TENM3: variants seen among roughly 807,000 people sequenced by gnomAD.
TENM3 encodes the protein teneurin-3.
TENM3 carries 63 observed loss-of-function variants against 255.1 expected under a neutral mutation model. The ratio of observed to expected loss-of-function variants is 0.25; its 90% CI spans 0.20 to 0.30. The LOEUF (loss-of-function observed/expected upper bound fraction) is 0.30. Ranked by LOEUF, TENM3 falls within the 10% of genes least tolerant of loss-of-function variation. The pLI is 1.00. For synonymous variants in TENM3, 1,306 were observed against 1,322.3 expected (o/e 0.99, Z 0.27); for missense variants, 2,929 against 3,461.1 (o/e 0.85, Z 3.86).
chr4:182,329,702 C>T (rs1160990529), intron 2 of TENM3, among the ~76,000 whole-genome samples: 1 of 151,966 alleles, frequency 6.6e-6, no homozygotes, highest in Non-Finnish European at 1.5e-5. Flanking sequence ...AAAGCAACAA[C>T]AACAAAACAA....
chr4:182,708,077 G>C (rs1276751882), intron 12 of TENM3: 1 of 151,792 alleles, frequency 6.6e-6, no homozygotes, highest in Non-Finnish European at 1.5e-5. Context: ...AGGCAGCCTA[G>C]GTTGCCAAGG....
chr4:182,017,154 C>A, the TENM3 span, among the ~76,000 whole-genome samples: 1 of 152,254 alleles, frequency 6.6e-6, no homozygotes, highest in African/African-American at 2.4e-5. Flanking sequence ...TGGTCCTGCT[C>A]CCTGAGGTCC....
the TENM3 span, among the ~76,000 whole-genome samples, chr4:181,551,422 C>T: frequency 6.6e-6 from 1 of 152,164 alleles, no homozygotes; most frequent in South Asian, 2.1e-4. Flanking sequence ...ACGTGGGCTG[C>T]TACTTAGGTC....
intron 1 of TENM3, among the ~76,000 whole-genome samples, chr4:182,195,650 T>TA (rs796530632): frequency 3.3e-5 from 5 of 152,042 alleles, no homozygotes; most frequent in African/African-American, 7.2e-5. Flanking sequence ...TTAAAAAATA[T>TA]AAAAAAACCT....
chr4:182,246,407 G>A (rs7661740), intron 1 of TENM3, among the ~76,000 whole-genome samples: 51,532 of 140,060 alleles, frequency 0.37, 11,253 homozygotes, highest in African/African-American at 0.63. Flanking sequence ...AGCAGGCCCC[G>A]CTCTGAAAGA....
rs560237460 is a variant in TENM3, at chr4:182,362,974, TTCTG to T, written c.511+16049_511+16052del. ...AAAAGTTTTTCTGAAAAAGATACCT[TTCTG>T]TCTAAGATTGATTGAAATCATAACC... On this transcript the variant is annotated intron_variant, in intron 3 of 27. Coordinates refer to ENST00000511685, the MANE Select transcript of TENM3 (RefSeq NM_001080477.4). Among the ~76,000 whole-genome samples, 60 of 152,346 alleles carry T rather than the reference TTCTG, an allele frequency of 3.9e-4. No individual in the cohort carries two copies. The East Asian group carries it at 0.01, about 26-fold the overall frequency.
At chr4:181,576,646 A>G in the TENM3 span, among the ~76,000 whole-genome samples, 1 of 152,066 alleles carries the variant, frequency 6.6e-6, no homozygotes, top group Non-Finnish European at 1.5e-5. Context: ...GGAAGGAAGG[A>G]CCTGGGTGTT....
the TENM3 span, among the ~76,000 whole-genome samples, chr4:181,911,627 C>T: frequency 6.6e-6 from 1 of 152,150 alleles, no homozygotes; most frequent in African/African-American, 2.4e-5. Flanking sequence ...ACAGCTGAGT[C>T]AGTGCAGTTA....
chr4:181,892,637 C>G, the TENM3 span, among the ~76,000 whole-genome samples: 1 of 152,200 alleles, frequency 6.6e-6, no homozygotes, highest in South Asian at 2.1e-4. Flanking sequence ...ACCTTGGCCC[C>G]TCACATGCTC....
intron 5 of TENM3, among the ~76,000 whole-genome samples, chr4:182,634,566 A>G (rs540399317): frequency 6.6e-6 from 1 of 152,274 alleles, no homozygotes; most frequent in Admixed American, 6.5e-5. Flanking sequence ...CTGTGCCTTT[A>G]CGCAACAAAA....
the TENM3 span, among the ~76,000 whole-genome samples, chr4:181,816,181 T>C: frequency 6.6e-6 from 1 of 152,296 alleles, no homozygotes; most frequent in South Asian, 2.1e-4. Flanking sequence ...GTCTTCTCAA[T>C]GTGGCTGATT....
At chr4:182,607,865 T>C (rs1433669673) in intron 4 of TENM3, among the ~76,000 whole-genome samples, 2 of 152,252 alleles carry the variant, frequency 1.3e-5, no homozygotes. Flanking sequence ...TTAATTTTCA[T>C]GGTACCTGTA....
At chr4:182,114,768 C>A in the TENM3 span, among the ~76,000 whole-genome samples, 1 of 152,204 alleles carries the variant, frequency 6.6e-6, no homozygotes, top group East Asian at 1.9e-4. Flanking sequence ...GAAATACATG[C>A]AACATATACA....
intron 27 of TENM3, among the ~76,000 whole-genome samples, chr4:182,798,154 C>G (rs1381585121): frequency 2.0e-5 from 3 of 152,044 alleles, no homozygotes; most frequent in Non-Finnish European, 4.4e-5. Context: ...ACTACAGGCA[C>G]GTGCCACCAC....
chr4:181,710,225 G>A, the TENM3 span, among the ~76,000 whole-genome samples: 2 of 151,988 alleles, frequency 1.3e-5, no homozygotes, highest in Non-Finnish European at 2.9e-5. Flanking sequence ...ATGAGTTAGA[G>A]GAATAAAACA....
the TENM3 span, among the ~76,000 whole-genome samples, chr4:181,675,229 A>G: frequency 6.6e-6 from 1 of 152,128 alleles, no homozygotes; most frequent in African/African-American, 2.4e-5. Context: ...TATGTGGAAG[A>G]TAGAGCTTTT....
chr4:181,803,950 A>G, the TENM3 span, among the ~76,000 whole-genome samples: 6 of 51,566 alleles, frequency 1.2e-4, 1 homozygote, highest in Admixed American at 8.2e-4. Flanking sequence ...AAAAAAAAAA[A>G]AAAGAAAGAA....
chr4:182,055,541 C>T, the TENM3 span, among the ~76,000 whole-genome samples: 9 of 152,150 alleles, frequency 5.9e-5, no homozygotes, highest in South Asian at 4.1e-4. Context: ...TCTGGACACC[C>T]GGCAGAGGCA....
intron 1 of TENM3, among the ~76,000 whole-genome samples, chr4:182,150,278 T>A (rs4862032): frequency 0.63 from 94,943 of 151,614 alleles, 30,531 homozygotes; most frequent in African/African-American, 0.75. Flanking sequence ...AAATAGGAAA[T>A]TGAATATCTT....
Sources: gnomAD v4.1 joint callset for allele counts (sites outside exome capture counted in the v4.1 genomes callset) on GRCh38, gnomAD v4.1.1 for gene constraint, MANE v1.5 for transcripts, NCBI Gene and HGNC (gene_info 2026-07-23, HGNC 2026-07-21) for gene names.